Variants in UBE2S observed in about 807,000 individuals in gnomAD.
The protein encoded by UBE2S is ubiquitin conjugating enzyme E2 S.
A neutral mutation model predicts 12.3 loss-of-function variants in UBE2S; 3 were observed. The observed-to-expected ratio is 0.24, with a 90% confidence interval of 0.11 to 0.63. UBE2S has a LOEUF of 0.63. Among genes scored for constraint, UBE2S ranks in the 30% least tolerant of loss-of-function variants. The pLI is 0.85. For missense variants in UBE2S, 211 were observed against 313.9 expected (o/e 0.67, Z 2.48); for synonymous variants, 133 against 142.0 (o/e 0.94, Z 0.45).
intron 2 of UBE2S, 72 bp downstream of exon 2, chr19:55,406,743 G>T (rs887436880): frequency 6.5e-7 from 1 of 1,542,606 alleles, no homozygotes; most frequent in Non-Finnish European, 8.8e-7. Flanking sequence ...GGTACTTCCC[G>T]CTAGGGTGAT....
chr19:55,407,526 T>G lies in UBE2S; in HGVS notation c.3+61A>C, dbSNP rs901863966. On this transcript the variant is annotated intron_variant, in intron 1 of 3. Coordinates refer to ENST00000264552, the MANE Select transcript of UBE2S (RefSeq NM_014501.3). ...GCCGCCCGTCGGAGGCCCCTGAGAC[T>G]CCACCTCCTCCCTCAGGGACACCCC... 4.0e-6 allele frequency: 6 copies of G among 1,516,706 alleles called. No homozygotes were observed. In the African/African-American group the frequency reaches 7.2e-5, roughly 18 times the overall value. 94.0% of individuals were successfully genotyped at this position (1,516,706 alleles called of 1,614,324 possible). A position where few individuals can be genotyped will look rare whatever the true frequency, so the allele number is the denominator to read the frequency against.
rs933591922 is a variant in UBE2S at position 55,407,422 on chromosome 19, G to C, written c.3+165C>G. Among the ~76,000 whole-genome samples, 102 of 152,244 alleles carry C rather than the reference G, an allele frequency of 6.7e-4. 1 individual carries two copies. Among genetic ancestry groups the C allele is most frequent in the African/African-American group, 2.4e-3 (99 of 41,566 alleles). On this transcript the variant is annotated intron_variant, in intron 1 of 3. Transcript: ENST00000264552. ...GCCAGGGAGACTGCGGGCCGCCCGA[G>C]CTCCTGCTCCGCCTGCGGGAAGGCC...
Position 55,401,072 on chromosome 19 carries a change from AT to A in UBE2S, c.*363del. 1 of 263,048 alleles carries A rather than the reference AT, an allele frequency of 3.8e-6. No individual in the cohort carries two copies. The highest frequency in any genetic ancestry group is 5.5e-5 in the South Asian group (1 of 18,076). 16.3% of individuals were successfully genotyped at this position (263,048 alleles called of 1,614,324 possible). On this transcript the variant is annotated 3_prime_UTR_variant, in exon 4 of 4. Coordinates refer to ENST00000264552, the MANE Select transcript of UBE2S (RefSeq NM_014501.3). ...GTCCTCGCCCCATTTTAGATTGGAAATCTGACTCCAAAGAGGGGTTGTGACC... is the reference window on the plus strand; with the variant it reads ...GTCCTCGCCCCATTTTAGATTGGAAACTGACTCCAAAGAGGGGTTGTGACC...
rs567912804 is a variant in UBE2S at position 55,401,547 on chromosome 19, C to T, written c.558G>A (p.Gly186=). ...TGGGACCCTCAGCCCCTCCCGGGCC[C>T]CCTGGGGCCCCAGGGTCGGTGGAGG... is the stretch of plus-strand genomic sequence containing the variant. The part of the protein sequence containing the change: ...EASSTDPGAP[G]GPGGAEGPMA... The change falls in exon 4 of 4, where the codon GGG becomes GGA. Residue 186 remains glycine, a synonymous_variant. Coordinates refer to ENST00000264552, the MANE Select transcript of UBE2S (RefSeq NM_014501.3). The T allele has an allele frequency of 3.7e-6, 6 of 1,610,634 alleles. No individual in the cohort carries two copies. The East Asian group carries it at 1.3e-4, about 36-fold the overall frequency.
chr19:55,404,224 G>A lies in UBE2S; in HGVS notation c.342+64C>T. The A allele has an allele frequency of 1.3e-6, 2 of 1,595,066 alleles. No individual in the cohort carries two copies. Among genetic ancestry groups the A allele is most frequent in the South Asian group, 2.2e-5 (2 of 90,364 alleles). ...CAGAAAAACTAAACAAAGCGCTATG[G>A]CTCAGACACCAGCAGACCTCCAGAG... On this transcript the variant is annotated intron_variant, in intron 3 of 3. Transcript: ENST00000264552. The surrounding 1 kb of genome is among the most constrained non-coding windows in gnomAD (Gnocchi z 4.4).
chr19:55,406,039 C>T (rs1427928317), intron 2 of UBE2S, among the ~76,000 whole-genome samples: 1 of 152,224 alleles, frequency 6.6e-6, no homozygotes, highest in Non-Finnish European at 1.5e-5. Flanking sequence ...CCTCTACAAA[C>T]TCCTTGAAGA....
At chr19:55,406,170 C>T (rs1286445341) in intron 2 of UBE2S, among the ~76,000 whole-genome samples, 3 of 152,194 alleles carry the variant, frequency 2.0e-5, no homozygotes, top group South Asian at 2.1e-4. Context: ...GTCATGATCC[C>T]GCGCCCTCTG....
chr19:55,407,554 A>G (rs753146009), intron 1 of UBE2S, 33 bp downstream of exon 1: 1 of 1,520,512 alleles, frequency 6.6e-7, no homozygotes, highest in Non-Finnish European at 8.8e-7. Context: ...GACACCCCCG[A>G]CCACCTTCAT....
Position 55,406,843 on chromosome 19 carries a change from G to T in UBE2S, c.123C>A (p.Thr41=), listed in dbSNP as rs373374090. ...GGCCCTCGATGGTGACCTGGAGGTC[G>T]GTGAGGTCCTCCTCGTTGGGAAAGA... ...IKVFPNEEDL[T]DLQVTIEGPE... Residue 41 remains threonine (T), a synonymous_variant, in exon 2 of 4, where the codon ACC becomes ACA. Coordinates refer to ENST00000264552, the MANE Select transcript of UBE2S (RefSeq NM_014501.3). The T allele has an allele frequency of 4.3e-6, 7 of 1,613,256 alleles. No individual in the cohort carries two copies. Among genetic ancestry groups the T allele is most frequent in the East Asian group, 2.2e-5 (1 of 44,862 alleles).
intron 2 of UBE2S, among the ~76,000 whole-genome samples, chr19:55,405,379 C>T (rs1277653794): frequency 6.6e-6 from 1 of 151,984 alleles, no homozygotes; most frequent in African/African-American, 2.4e-5. Context: ...CATGGTGGTG[C>T]ACGTCTGTAA....
chr19:55,406,715 C>A, intron 2 of UBE2S, 100 bp downstream of exon 2: 3 of 1,466,292 alleles, frequency 2.0e-6, no homozygotes, highest in Middle Eastern at 5.2e-4. Context: ...ACACCTGACA[C>A]GAGGCCAGCC....
Position 55,401,645 on chromosome 19 carries a change from T to G in UBE2S, c.460A>C (p.Ile154Leu). 3.7e-6 allele frequency: 6 copies of G among 1,608,876 alleles called. No homozygotes were observed. The highest frequency in any genetic ancestry group is 1.3e-5 in the African/African-American group (1 of 74,970). ...CTGGGCCCGCCGGCGCCCCCGTGGA[T>G]CTCTGTGAGCAGACGGGCCCGAGCC... ...YAARARLLTE[I>L]HGGAGGPSGR... The change falls in exon 4 of 4, where the codon ATC (isoleucine) becomes CTC (leucine). Residue 154 changes from isoleucine (I) to leucine (L), a missense_variant. This residue lies in a region of UBE2S where 127 missense variants were observed against 224.0 expected (regional missense o/e 0.57). Coordinates refer to ENST00000264552, the MANE Select transcript of UBE2S (RefSeq NM_014501.3).
At chr19:55,405,628 C>T (rs866688819) in intron 2 of UBE2S, among the ~76,000 whole-genome samples, 14 of 152,266 alleles carry the variant, frequency 9.2e-5, no homozygotes, top group South Asian at 4.1e-4. Flanking sequence ...TCAAGCTCGT[C>T]TGCACCCTCC....
At position 55,404,815 on chromosome 19, in the gene UBE2S, C is replaced by T. The variant is rs151132695; in HGVS notation, c.152-337G>A. ...ATAGGGTCTCACTATGTTGCCCAAG[C>T]TGGTCTTGCACTCCTAGGCTCAAGC... On this transcript the variant is annotated intron_variant, in intron 2 of 3. Coordinates refer to ENST00000264552, the MANE Select transcript of UBE2S (RefSeq NM_014501.3). This position sits in a 1 kb window ranked among gnomAD's most constrained non-coding sequence, Gnocchi z 4.4. Among the ~76,000 whole-genome samples, 1,123 of 152,270 alleles carry T rather than the reference C, an allele frequency of 7.4e-3. 12 individuals carry two copies. Among genetic ancestry groups the T allele is most frequent in the Admixed American group, 0.014 (217 of 15,300 alleles).
intron 2 of UBE2S, among the ~76,000 whole-genome samples, chr19:55,406,241 C>T (rs527286026): frequency 4.3e-4 from 65 of 152,228 alleles, no homozygotes; most frequent in Non-Finnish European, 7.3e-4. Flanking sequence ...CCACCTACCA[C>T]CATCACCACC....
At position 55,404,158 on chromosome 19, in the gene UBE2S, G is replaced by T. The variant is rs771341845; in HGVS notation, c.342+130C>A. On this transcript the variant is annotated intron_variant, in intron 3 of 3. Transcript: ENST00000264552. The surrounding 1 kb of genome is among the most constrained non-coding windows in gnomAD (Gnocchi z 4.4). ...GTCTTTCCAGGAAAGCTAGCAACATGGATTTTTATGTGGAAACCTTCAACC... is the reference window on the plus strand; with the variant it reads ...GTCTTTCCAGGAAAGCTAGCAACATTGATTTTTATGTGGAAACCTTCAACC... 11 of 1,223,430 alleles carry T rather than the reference G, an allele frequency of 9.0e-6. No individual in the cohort carries two copies. The South Asian group carries it at 1.1e-4, about 13-fold the overall frequency. The allele number at this position is 1,223,430 out of a possible 1,614,324, so 75.8% of individuals were successfully genotyped here. A position where few individuals can be genotyped will look rare whatever the true frequency, so the allele number is the denominator to read the frequency against.
In UBE2S at chr19:55,401,549, C is replaced by T; in HGVS notation, c.556G>A (p.Gly186Arg). ...EASSTDPGAP[G>R]GPGGAEGPMA... The stretch of plus-strand genomic sequence containing the variant: ...GGACCCTCAGCCCCTCCCGGGCCCC[C>T]TGGGGCCCCAGGGTCGGTGGAGGAA... The change falls in exon 4 of 4, where the codon GGG (glycine) becomes AGG (arginine). Residue 186 changes from glycine (G) to arginine (R), a missense_variant. This residue lies in a region of UBE2S where 84 missense variants were observed against 89.9 expected (regional missense o/e 0.93). Coordinates refer to ENST00000264552, the MANE Select transcript of UBE2S (RefSeq NM_014501.3). The T allele has an allele frequency of 2.5e-6, 4 of 1,610,642 alleles. No homozygotes were observed. In the South Asian group the frequency reaches 4.4e-5, roughly 18 times the overall value.
At chr19:55,405,976 T>C (rs2090094194) in intron 2 of UBE2S, among the ~76,000 whole-genome samples, 1 of 152,134 alleles carries the variant, frequency 6.6e-6, no homozygotes, top group Non-Finnish European at 1.5e-5. Flanking sequence ...CTACAGTCAA[T>C]AGGAACTTTG....
At position 55,407,752 on chromosome 19, in the gene UBE2S, A is replaced by C. The variant is rs998973070; in HGVS notation, c.-163T>G. 6.5e-5 allele frequency: 29 copies of C among 448,266 alleles called. No homozygotes were observed. The highest frequency in any genetic ancestry group is 1.3e-3 in the Middle Eastern group (2 of 1,560). The allele number at this position is 448,266 out of a possible 1,614,324, so 27.8% of individuals were successfully genotyped here. A position where few individuals can be genotyped will look rare whatever the true frequency, so the allele number is the denominator to read the frequency against. ...CCGACGTCCGCCGCGCACAGCGTAG[A>C]CCAACCCGCCGCCCCGGTGCCCGGC... is the stretch of plus-strand genomic sequence containing the variant. On this transcript the variant is annotated 5_prime_UTR_variant, in exon 1 of 4. Transcript: ENST00000264552.
Sources: allele counts gnomAD v4.1 joint callset (sites outside exome capture counted in the v4.1 genomes callset), GRCh38; gene constraint gnomAD v4.1.1; regional missense constraint gnomAD v4.1.1; non-coding constraint Gnocchi (gnomAD v3.1); transcripts MANE v1.5; gene names NCBI Gene and HGNC (gene_info 2026-07-23, HGNC 2026-07-21).